SRFBP1: variants seen among roughly 807,000 people sequenced by gnomAD.
SRFBP1 encodes the protein serum response factor binding protein 1.
SRFBP1 carries 47 observed loss-of-function variants against 45.5 expected under a neutral mutation model. That is an observed-to-expected ratio of 1.03 (90% CI 0.82 to 1.32). SRFBP1 has a LOEUF of 1.32. Ranked by LOEUF, SRFBP1 falls within the 40% of genes most tolerant of loss-of-function variation. The pLI is 0.00. For missense variants in SRFBP1, 621 were observed against 484.6 expected, an observed-to-expected ratio of 1.28 and a Z score of -2.64; for synonymous variants, 203 against 166.3, an observed-to-expected ratio of 1.22 and a Z score of -1.70.
intron 1 of SRFBP1, 115 bp downstream of exon 1, chr5:121,962,183 G>A (rs1294958593): frequency 2.1e-5 from 28 of 1,323,352 alleles, no homozygotes; most frequent in Non-Finnish European, 2.9e-5. Context: ...TTCGTGGTGG[G>A]CCCAGGCGGG....
chr5:121,965,655 A>C (rs1310753743), intron 1 of SRFBP1, among the ~76,000 whole-genome samples: 5 of 152,028 alleles, frequency 3.3e-5, no homozygotes, highest in Non-Finnish European at 7.4e-5. Context: ...TTTACTTAGG[A>C]TTGTCTTGGC....
chr5:121,989,167 G>A lies in SRFBP1; in HGVS notation c.199-5432G>A, dbSNP rs149190742. 1.1e-3 allele frequency among the ~76,000 whole-genome samples: 163 copies of A among 152,046 alleles called. 2 individuals are homozygous for A. The highest frequency in any genetic ancestry group is 3.8e-3 in the African/African-American group (156 of 41,490). On this transcript the variant is annotated intron_variant, in intron 3 of 7. Transcript: ENST00000339397. The stretch of plus-strand genomic sequence containing the variant: ...CAACCTCCACCTCCCAGGTTCAAGC[G>A]ATTCTCCTACCTCAGCCTCCTGAGT...
intron 1 of SRFBP1, among the ~76,000 whole-genome samples, chr5:121,969,918 G>A (rs1193714671): frequency 6.6e-6 from 1 of 151,890 alleles, no homozygotes; most frequent in Admixed American, 6.6e-5. Context: ...CTATTCCTCT[G>A]TTCTTTCCGT....
At chr5:121,974,022 A>T (rs1473626226) in intron 1 of SRFBP1, among the ~76,000 whole-genome samples, 174 bp from the exon 2 acceptor site, 1 of 151,850 alleles carries the variant, frequency 6.6e-6, no homozygotes, top group Admixed American at 6.6e-5. Flanking sequence ...TAGACTGTTG[A>T]TTTATTCCTT....
At chr5:122,040,087 A>G (rs1308552098) in intron 2 of SRFBP1, among the ~76,000 whole-genome samples, 1 of 152,042 alleles carries the variant, frequency 6.6e-6, no homozygotes, top group Non-Finnish European at 1.5e-5. Context: ...CCTTTTCTTT[A>G]CAAATAATTT....
chr5:121,969,298 A>G (rs762140384), intron 1 of SRFBP1, among the ~76,000 whole-genome samples: 1 of 152,138 alleles, frequency 6.6e-6, no homozygotes, highest in Non-Finnish European at 1.5e-5. Flanking sequence ...GTATGTAGAA[A>G]TACAGAAAGG....
intron 1 of SRFBP1, among the ~76,000 whole-genome samples, chr5:121,964,481 A>G (rs1453067871): frequency 2.0e-5 from 3 of 152,102 alleles, no homozygotes; most frequent in African/African-American, 7.2e-5. Context: ...GCAGAGAATG[A>G]TGGTTTCCAG....
intron 2 of SRFBP1, among the ~76,000 whole-genome samples, chr5:122,038,469 TAGTG>T (rs1248898746): frequency 6.6e-6 from 1 of 152,156 alleles, no homozygotes; most frequent in Admixed American, 6.6e-5. Context: ...GAAATGTTAT[TAGTG>T]AGTGTTGGGC....
At chr5:122,077,982 G>A (rs746103919), downstream of SRFBP1, 1 of 1,455,384 alleles carries the variant, frequency 6.9e-7, no homozygotes, top group East Asian at 2.6e-5. The surrounding 1 kb of genome is among the most constrained non-coding windows in gnomAD (Gnocchi z 4.9). Context: ...CAGGCGAAGC[G>A]CATCACTCCT....
At chr5:122,038,577 G>A (rs1034090516) in intron 2 of SRFBP1, among the ~76,000 whole-genome samples, 6 of 152,198 alleles carry the variant, frequency 3.9e-5, no homozygotes, top group Non-Finnish European at 8.8e-5. Context: ...AAGAGATTGT[G>A]TACAAAGATC....
intron 3 of SRFBP1, among the ~76,000 whole-genome samples, chr5:121,977,592 G>A (rs899969794): frequency 2.0e-5 from 3 of 151,996 alleles, no homozygotes; most frequent in African/African-American, 7.2e-5. Context: ...AATAAATGAT[G>A]ACAAAACAAA....
intron 4 of SRFBP1, among the ~76,000 whole-genome samples, chr5:122,004,293 G>A (rs138566630): frequency 1.3e-5 from 2 of 152,230 alleles, no homozygotes; most frequent in East Asian, 3.9e-4. Flanking sequence ...TCCATTTTGA[G>A]TTGAGGTTTG....
chr5:122,021,572 T>A (rs1364370901), intron 6 of SRFBP1, among the ~76,000 whole-genome samples: 1 of 151,974 alleles, frequency 6.6e-6, no homozygotes, highest in African/African-American at 2.4e-5. Flanking sequence ...ATAATTAAAA[T>A]ATTTACTTAT....
chr5:122,045,512 G>A (rs1408172524), intron 2 of SRFBP1, among the ~76,000 whole-genome samples: 7 of 152,094 alleles, frequency 4.6e-5, no homozygotes, highest in Non-Finnish European at 1.0e-4. Flanking sequence ...CCATATGTTT[G>A]TGTCATCTCT....
At chr5:121,963,793 T>G (rs886437710) in intron 1 of SRFBP1, among the ~76,000 whole-genome samples, 1 of 151,684 alleles carries the variant, frequency 6.6e-6, no homozygotes, top group Non-Finnish European at 1.5e-5. Context: ...TGTTCTAATG[T>G]GAAGGAGATA....
chr5:121,989,888 G>A (rs1356292154), intron 3 of SRFBP1, among the ~76,000 whole-genome samples: 1 of 151,858 alleles, frequency 6.6e-6, no homozygotes, highest in Non-Finnish European at 1.5e-5. Context: ...TTTTTTCCCA[G>A]TATTTGTTCT....
Position 122,037,732 on chromosome 5 carries a change from G to A in SRFBP1, n.311+15325G>A, listed in dbSNP as rs576688969. On this transcript the variant is annotated intron_variant and non_coding_transcript_variant, in intron 2 of 2. Coordinates refer to the SRFBP1 transcript ENST00000504881. ...ACCACGTTGCCACGTCGCCCAGGCT[G>A]ATCTCAAACGCCTGGCTTCAAGTGT... Among the ~76,000 whole-genome samples the A allele has an allele frequency of 3.7e-4, 56 of 151,788 alleles. No individual in the cohort carries two copies. In the South Asian group the frequency reaches 0.011, roughly 31 times the overall value.
At chr5:122,021,974 G>A (rs896833759) in intron 6 of SRFBP1, among the ~76,000 whole-genome samples, 10 of 151,798 alleles carry the variant, frequency 6.6e-5, no homozygotes, top group Admixed American at 2.0e-4. Flanking sequence ...GATTACAGGC[G>A]TGACCCACCG....
At chr5:121,974,707 GA>G (rs1462945260) in intron 2 of SRFBP1, among the ~76,000 whole-genome samples, 9 of 151,806 alleles carry the variant, frequency 5.9e-5, no homozygotes, top group Admixed American at 2.6e-4. Flanking sequence ...AGTACCTTAT[GA>G]AAGTGTTTAT....
Sources: allele counts gnomAD v4.1 joint callset (sites outside exome capture counted in the v4.1 genomes callset), GRCh38; gene constraint gnomAD v4.1.1; non-coding constraint Gnocchi (gnomAD v3.1); transcripts MANE v1.5; gene names NCBI Gene and HGNC (gene_info 2026-07-23, HGNC 2026-07-21).